The following RALYL variants were observed in gnomAD, a reference collection of about 807,000 sequenced individuals.
RALYL encodes RALY RNA binding protein like.
In RALYL, 29 loss-of-function variants were observed where a neutral mutation model predicts 35.1. The ratio of observed to expected loss-of-function variants is 0.83; its 90% CI spans 0.61 to 1.13. RALYL has a LOEUF of 1.13. RALYL is among the 50% of genes most tolerant of loss of function. The pLI, the probability that RALYL is intolerant of heterozygous loss-of-function variation, is 0.00. For missense variants in RALYL, 359 were observed against 360.4 expected (o/e 1.00, Z 0.03); for synonymous variants, 120 against 127.6 (o/e 0.94, Z 0.40).
At chr8:84,267,377 C>T (rs1402081863) in intron 1 of RALYL, among the ~76,000 whole-genome samples, 1 of 152,104 alleles carries the variant, frequency 6.6e-6, no homozygotes, top group Non-Finnish European at 1.5e-5. Flanking sequence ...GCTGATGAGA[C>T]TCATGATCTT....
intron 2 of RALYL, among the ~76,000 whole-genome samples, chr8:84,688,881 A>G (rs1837400534): frequency 6.6e-6 from 1 of 152,112 alleles, no homozygotes; most frequent in Non-Finnish European, 1.5e-5. Flanking sequence ...AACAGCAAAT[A>G]ATCTGATTAA....
chr8:84,435,928 A>T (rs921750812), intron 1 of RALYL, among the ~76,000 whole-genome samples: 1 of 152,136 alleles, frequency 6.6e-6, no homozygotes, highest in African/African-American at 2.4e-5. Context: ...CTTCTCTAGA[A>T]ATATGGTTGT....
At chr8:84,554,874 A>G (rs1252795268) in intron 2 of RALYL, among the ~76,000 whole-genome samples, 1 of 152,246 alleles carries the variant, frequency 6.6e-6, no homozygotes, top group Non-Finnish European at 1.5e-5. Context: ...AAAGAGTATG[A>G]CAAAGTGTCA....
intron 3 of RALYL, among the ~76,000 whole-genome samples, chr8:84,798,255 A>G (rs559466647): frequency 5.8e-4 from 88 of 152,136 alleles, no homozygotes; most frequent in Non-Finnish European, 9.9e-4. Context: ...ATCCCAACCT[A>G]TTCCCCAACC....
chr8:84,253,548 A>G (rs10094547), intron 1 of RALYL, among the ~76,000 whole-genome samples: 20,675 of 151,742 alleles, frequency 0.14, 1,956 homozygotes, highest in African/African-American at 0.26. Context: ...AGGACTTTCC[A>G]TGTCTGTTAT....
intron 1 of RALYL, among the ~76,000 whole-genome samples, chr8:84,342,277 A>ATATATAGATAT (rs1848942440): frequency 4.5e-5 from 3 of 66,114 alleles, no homozygotes; most frequent in African/African-American, 2.3e-4. Context: ...AGCATCGTTC[A>ATATATAGATAT]ATATATATAT....
At chr8:84,335,619 C>T (rs577156102) in intron 1 of RALYL, among the ~76,000 whole-genome samples, 2 of 151,422 alleles carry the variant, frequency 1.3e-5, no homozygotes, top group Admixed American at 6.6e-5. Context: ...CCCCTCCACT[C>T]CCGCAAGAAG....
At chr8:84,470,774 C>T (rs1029519132) in intron 1 of RALYL, among the ~76,000 whole-genome samples, 1 of 152,120 alleles carries the variant, frequency 6.6e-6, no homozygotes, top group East Asian at 1.9e-4. Context: ...ATCCCATGTC[C>T]TTTTCTTGTT....
intron 4 of RALYL, among the ~76,000 whole-genome samples, chr8:84,810,163 A>G (rs1269173459): frequency 6.6e-6 from 1 of 152,138 alleles, no homozygotes; most frequent in Non-Finnish European, 1.5e-5. Flanking sequence ...ACTGTATCCC[A>G]GAGGTTTTGA....
At chr8:84,404,021 A>C (rs2043204781) in intron 1 of RALYL, among the ~76,000 whole-genome samples, 1 of 152,048 alleles carries the variant, frequency 6.6e-6, no homozygotes, top group South Asian at 2.1e-4. Flanking sequence ...TTGCACATTG[A>C]TTTTGTATCC....
At chr8:84,714,953 G>A (rs1224106614) in intron 2 of RALYL, among the ~76,000 whole-genome samples, 1 of 149,070 alleles carries the variant, frequency 6.7e-6, no homozygotes, top group Non-Finnish European at 1.5e-5. Context: ...GGATATATAA[G>A]GTTAAACTTC....
At chr8:84,358,536 T>C (rs564247279) in intron 1 of RALYL, among the ~76,000 whole-genome samples, 1 of 152,058 alleles carries the variant, frequency 6.6e-6, no homozygotes, top group South Asian at 2.1e-4. Flanking sequence ...AAGAAGAGAT[T>C]AGTGAATGAT....
chr8:84,668,735 T>G (rs1832585103), intron 2 of RALYL, among the ~76,000 whole-genome samples: 1 of 152,160 alleles, frequency 6.6e-6, no homozygotes, highest in African/African-American at 2.4e-5. Context: ...TTATGATGAC[T>G]GTTATTAGAG....
chr8:84,698,809 G>T (rs908279213), intron 2 of RALYL, among the ~76,000 whole-genome samples: 1 of 152,108 alleles, frequency 6.6e-6, no homozygotes, highest in African/African-American at 2.4e-5. Context: ...TTATGTCTCT[G>T]CCTTCCTCTA....
At chr8:84,667,510 G>C (rs1240716269) in intron 2 of RALYL, among the ~76,000 whole-genome samples, 1 of 152,042 alleles carries the variant, frequency 6.6e-6, no homozygotes, top group Non-Finnish European at 1.5e-5. Context: ...TCAAGATAAA[G>C]GCTTGCTTCT....
intron 2 of RALYL, among the ~76,000 whole-genome samples, chr8:84,592,026 A>G (rs575930496): frequency 1.1e-4 from 17 of 152,118 alleles, no homozygotes; most frequent in African/African-American, 3.9e-4. Flanking sequence ...TATTGTTTCT[A>G]TGTGCCCCAC....
At chr8:84,818,271 A>G (rs28437598) in intron 4 of RALYL, among the ~76,000 whole-genome samples, 39,155 of 152,146 alleles carry the variant, frequency 0.26, 7,641 homozygotes, top group African/African-American at 0.54. Flanking sequence ...TACTGATTTA[A>G]GGATGGTTGG....
At position 84,192,912 on chromosome 8, in the gene RALYL, G is replaced by GA. The variant is rs1292196841; in HGVS notation, c.-24+8488_-24+8489insA. ...GTGTGTGTGTGTGTGTGTGTGGGGG[G>GA]GGGGGTTGTGTACGTGTATATGTAA... On this transcript the variant is annotated intron_variant, in intron 1 of 8. Transcript: ENST00000521268. 1.3e-3 allele frequency among the ~76,000 whole-genome samples: 186 copies of GA among 145,458 alleles called. 11 individuals are homozygous for GA. Among genetic ancestry groups the GA allele is most frequent in the African/African-American group, 4.5e-3 (173 of 38,602 alleles).
intron 1 of RALYL, among the ~76,000 whole-genome samples, chr8:84,372,303 C>T (rs553696974): frequency 9.2e-5 from 14 of 152,136 alleles, no homozygotes; most frequent in South Asian, 2.1e-4. Flanking sequence ...AACTCTGGCA[C>T]GTGAGCGGCA....
Sources: allele counts gnomAD v4.1 joint callset (sites outside exome capture counted in the v4.1 genomes callset), GRCh38; gene constraint gnomAD v4.1.1; transcripts MANE v1.5; gene names NCBI Gene and HGNC (gene_info 2026-07-23, HGNC 2026-07-21).